MACROD2: variants seen among roughly 807,000 people sequenced by gnomAD.
MACROD2 encodes mono-ADP ribosylhydrolase 2, also known as ADP-ribose glycohydrolase MACROD2.
Under a neutral mutation model 70.4 loss-of-function variants are expected in MACROD2, and 36 were observed. That is an observed-to-expected ratio of 0.51 (90% CI 0.39 to 0.68). The LOEUF (loss-of-function observed/expected upper bound fraction) is 0.68, where lower values mean the gene tolerates loss of function less well. MACROD2 is among the 30% of genes least tolerant of loss of function. The pLI, the probability that MACROD2 is intolerant of heterozygous loss-of-function variation, is 0.00. For missense variants in MACROD2, 496 were observed against 538.4 expected, an observed-to-expected ratio of 0.92 and a Z score of 0.78; for synonymous variants, 172 against 178.8, an observed-to-expected ratio of 0.96 and a Z score of 0.30.
chr20:15,147,198 T>A (rs1408512906), intron 5 of MACROD2, among the ~76,000 whole-genome samples: 1 of 152,144 alleles, frequency 6.6e-6, no homozygotes, highest in Non-Finnish European at 1.5e-5. Context: ...ATTTCAGAAT[T>A]TTAATTCATG....
intron 3 of MACROD2, among the ~76,000 whole-genome samples, chr20:14,353,912 G>A (rs1055730659): frequency 3.3e-5 from 5 of 152,088 alleles, no homozygotes; most frequent in African/African-American, 1.2e-4. Context: ...AATATCATCA[G>A]GAGGAAGGAG....
chr20:14,997,462 A>G (rs2074959725), intron 5 of MACROD2, among the ~76,000 whole-genome samples: 1 of 152,082 alleles, frequency 6.6e-6, no homozygotes, highest in East Asian at 1.9e-4. Flanking sequence ...TGCTGGCTTC[A>G]GGTGTGACTC....
intron 8 of MACROD2, among the ~76,000 whole-genome samples, chr20:15,747,325 G>A (rs1377149538): frequency 6.6e-6 from 1 of 152,130 alleles, no homozygotes; most frequent in Non-Finnish European, 1.5e-5. Flanking sequence ...TGCATTGGCT[G>A]TGCACCAAAG....
At chr20:15,320,778 C>T (rs1468947909) in intron 6 of MACROD2, among the ~76,000 whole-genome samples, 1 of 151,986 alleles carries the variant, frequency 6.6e-6, no homozygotes, top group African/African-American at 2.4e-5. Flanking sequence ...AACCAGCAAG[C>T]AGAGAAAGAC....
chr20:15,926,990 A>C (rs2065500050), intron 10 of MACROD2, among the ~76,000 whole-genome samples: 1 of 152,182 alleles, frequency 6.6e-6, no homozygotes, highest in South Asian at 2.1e-4. Flanking sequence ...GCCACCACCC[A>C]GGATAGAGGG....
intron 3 of MACROD2, among the ~76,000 whole-genome samples, chr20:14,207,180 CT>C (rs770863003): frequency 6.6e-5 from 10 of 152,038 alleles, no homozygotes; most frequent in Non-Finnish European, 1.0e-4. Flanking sequence ...TCACTGCAAC[CT>C]CTGCCTCCCA....
intron 4 of MACROD2, among the ~76,000 whole-genome samples, chr20:14,513,195 C>T (rs1285703057): frequency 3.3e-5 from 5 of 152,118 alleles, no homozygotes; most frequent in South Asian, 4.1e-4. Context: ...AACATCATTC[C>T]TTTGCAAGGA....
intron 8 of MACROD2, among the ~76,000 whole-genome samples, chr20:15,772,099 AAAAT>A (rs1189610275): frequency 2.2e-4 from 20 of 91,294 alleles, no homozygotes; most frequent in African/African-American, 8.4e-4. Flanking sequence ...AAAAAAAAAA[AAAAT>A]ATATATATAT....
chr20:14,735,266 G>C (rs980157087), intron 5 of MACROD2, among the ~76,000 whole-genome samples: 5 of 151,998 alleles, frequency 3.3e-5, no homozygotes, highest in Non-Finnish European at 1.5e-5. Flanking sequence ...ATATATAAAG[G>C]ACACTTACAA....
At chr20:14,831,870 T>C (rs1227580438) in intron 5 of MACROD2, among the ~76,000 whole-genome samples, 2 of 150,768 alleles carry the variant, frequency 1.3e-5, no homozygotes, top group Non-Finnish European at 3.0e-5. Context: ...TGTCATCGTT[T>C]TCGTTTGTTG....
At chr20:14,335,777 C>G (rs539569429) in intron 3 of MACROD2, among the ~76,000 whole-genome samples, 3 of 152,152 alleles carry the variant, frequency 2.0e-5, no homozygotes, top group Non-Finnish European at 4.4e-5. Context: ...TTGTGCTCTT[C>G]AAAAAATCAA....
At chr20:14,246,973 C>T (rs2081972638) in intron 3 of MACROD2, among the ~76,000 whole-genome samples, 1 of 152,032 alleles carries the variant, frequency 6.6e-6, no homozygotes, top group African/African-American at 2.4e-5. Flanking sequence ...GATTGAATTC[C>T]AGAATATCCT....
At chr20:15,497,542 G>A (rs112593658) in intron 7 of MACROD2, among the ~76,000 whole-genome samples, 3,235 of 151,920 alleles carry the variant, frequency 0.021, 46 homozygotes, top group South Asian at 0.034. Flanking sequence ...CTCCCACCTC[G>A]GCCCTTCAAA....
At chr20:15,703,839 C>T (rs2050494874) in intron 8 of MACROD2, among the ~76,000 whole-genome samples, 1 of 152,166 alleles carries the variant, frequency 6.6e-6, no homozygotes, top group African/African-American at 2.4e-5. Context: ...GGAGGCTACT[C>T]CTCACAGAGC....
rs368734518 is a variant in MACROD2, at chr20:14,440,701, T to C, written c.272-52778T>C. Among the ~76,000 whole-genome samples the C allele has an allele frequency of 1.8e-4, 28 of 152,202 alleles. 1 individual carries two copies. The highest frequency in any genetic ancestry group is 6.5e-4 in the African/African-American group (27 of 41,510). ...CAAGGTTGGCCTGGGGACATGGGTG[T>C]GGAAAAGGGAAAACCATTGCTGAAT... On this transcript the variant is annotated intron_variant, in intron 3 of 17. Transcript: ENST00000684519.
chr20:14,663,260 T>C (rs531783225), intron 4 of MACROD2, among the ~76,000 whole-genome samples: 1 of 151,902 alleles, frequency 6.6e-6, no homozygotes, highest in African/African-American at 2.4e-5. Flanking sequence ...GGTTCTGACT[T>C]CTAAGTGGGA....
At chr20:15,171,875 G>T (rs708977) in intron 5 of MACROD2, among the ~76,000 whole-genome samples, 15,134 of 152,150 alleles carry the variant, frequency 0.099, 897 homozygotes, top group African/African-American at 0.14. Context: ...GACTGGACCA[G>T]GTCCCTTTAT....
intron 3 of MACROD2, among the ~76,000 whole-genome samples, chr20:14,298,300 G>T (rs1238510793): frequency 6.6e-6 from 1 of 151,848 alleles, no homozygotes; most frequent in Non-Finnish European, 1.5e-5. Flanking sequence ...GGGTGTGGTG[G>T]CTCACGCCTG....
chr20:15,514,933 A>T (rs2047546759), intron 8 of MACROD2, among the ~76,000 whole-genome samples: 1 of 152,212 alleles, frequency 6.6e-6, no homozygotes, highest in African/African-American at 2.4e-5. Flanking sequence ...ATCTCCTTTC[A>T]ATGCTTATGA....
Sources: allele counts gnomAD v4.1 joint callset (sites outside exome capture counted in the v4.1 genomes callset), GRCh38; gene constraint gnomAD v4.1.1; transcripts MANE v1.5; gene names NCBI Gene and HGNC (gene_info 2026-07-23, HGNC 2026-07-21).